Variants in TMC2 observed in about 807,000 individuals in gnomAD.
TMC2 encodes transmembrane channel-like protein 2.
Under a neutral mutation model 105.9 loss-of-function variants are expected in TMC2, and 102 were observed. The ratio of observed to expected loss-of-function variants is 0.96; its 90% confidence interval spans 0.82 to 1.14. The LOEUF (loss-of-function observed/expected upper bound fraction) is 1.14, where lower values mean the gene tolerates loss of function less well. Among genes scored for constraint, TMC2 ranks in the 50% most tolerant of loss-of-function variants. The pLI, the probability that TMC2 is intolerant of heterozygous loss-of-function variation, is 0.00. For synonymous variants in TMC2, 402 were observed against 422.8 expected (o/e 0.95, Z 0.60); for missense variants, 1,093 against 1,134.3 (o/e 0.96, Z 0.52).
intron 17 of TMC2, among the ~76,000 whole-genome samples, chr20:2,629,708 C>G (rs1050380275): frequency 2.0e-5 from 3 of 152,100 alleles, no homozygotes; most frequent in African/African-American, 7.2e-5. Context: ...AGCAGTCACC[C>G]CCTTAGTCAG....
Position 2,616,160 on chromosome 20 carries a change from TA to T in TMC2, c.1897del (p.Ser633ValfsTer7), listed in dbSNP as rs775718574. 1.6e-5 allele frequency: 26 copies of T among 1,613,548 alleles called. No individual in the cohort carries two copies. The highest frequency in any genetic ancestry group is 2.1e-5 in the Non-Finnish European group (25 of 1,179,540). On this transcript the variant is annotated frameshift_variant, in exon 15 of 20. Transcript: ENST00000358864. LOFTEE classifies it high-confidence loss of function. The surrounding 1 kb of genome is among the most constrained non-coding windows in gnomAD (Gnocchi z 4.8). ...GFPSYAEFDI[S>X]GNVLGLIFNQ... Reference sequence around the variant, plus strand: ...AGCCTTCATATGCTGAGTTTGATATTAGTGGAAATGTGCTGGGTTTGATCTT... The same window carrying T: ...AGCCTTCATATGCTGAGTTTGATATTGTGGAAATGTGCTGGGTTTGATCTT...
At chr20:2,610,213 T>A (rs2086424941) in intron 11 of TMC2, among the ~76,000 whole-genome samples, 1 of 152,196 alleles carries the variant, frequency 6.6e-6, no homozygotes, top group African/African-American at 2.4e-5. Context: ...ACACAGCAAT[T>A]ATGATATGCA....
chr20:2,559,037 AGGCGGGGCGCGGGTGGAGAGGT>A (rs1229785655), intron 3 of TMC2, among the ~76,000 whole-genome samples: 22 of 151,914 alleles, frequency 1.4e-4, no homozygotes, highest in East Asian at 1.4e-3. Context: ...GCACCCGGTG[AGGCGGGGCGCGGGTGGAGAGGT>A]GGCGGGGCGC....
chr20:2,565,513 G>T (rs5839962), intron 4 of TMC2, among the ~76,000 whole-genome samples: 26 of 87,510 alleles, frequency 3.0e-4, no homozygotes, highest in African/African-American at 6.8e-4. Flanking sequence ...AAAGTGCTGG[G>T]ATTACAGAGC....
chr20:2,591,071 C>A (rs1405386019), intron 7 of TMC2, among the ~76,000 whole-genome samples: 1 of 147,414 alleles, frequency 6.8e-6, no homozygotes, highest in Non-Finnish European at 1.5e-5. Flanking sequence ...ATATATAAAT[C>A]TAATCCATTT....
At chr20:2,622,550 C>T (rs2086532924) in intron 16 of TMC2, among the ~76,000 whole-genome samples, 1 of 152,064 alleles carries the variant, frequency 6.6e-6, no homozygotes, top group African/African-American at 2.4e-5. Flanking sequence ...TGCCTGTAAT[C>T]CACCAGGCAT....
intron 2 of TMC2, among the ~76,000 whole-genome samples, chr20:2,546,885 CA>C (rs1421216867): frequency 6.6e-6 from 1 of 152,006 alleles, no homozygotes; most frequent in East Asian, 1.9e-4. Flanking sequence ...GATGCTTCCA[CA>C]GCATGCAAAA....
intron 7 of TMC2, among the ~76,000 whole-genome samples, chr20:2,582,405 C>T (rs1331050233): frequency 1.3e-5 from 2 of 152,120 alleles, no homozygotes; most frequent in Non-Finnish European, 1.5e-5. Flanking sequence ...TAAAATGAAG[C>T]ATAGTGAACC....
At chr20:2,578,023 T>C (rs896183777) in intron 5 of TMC2, among the ~76,000 whole-genome samples, 3 of 152,104 alleles carry the variant, frequency 2.0e-5, no homozygotes, top group South Asian at 4.2e-4. Flanking sequence ...AGGAGACCTT[T>C]TAATAATAGG....
rs2086273870 is a variant in TMC2, at chr20:2,592,217, T to C, written c.835-93T>C. On this transcript the variant is annotated intron_variant, in intron 7 of 19. Transcript: ENST00000358864. The surrounding 1 kb of genome is among the most constrained non-coding windows in gnomAD (Gnocchi z 4.9). Reference sequence around the variant, plus strand: ...AAAGAAGAAAATAGGTGTATTCCGCTCTGAGAAGGAAAGCATTTACCCCAG... The same window carrying C: ...AAAGAAGAAAATAGGTGTATTCCGCCCTGAGAAGGAAAGCATTTACCCCAG... The C allele has an allele frequency of 1.3e-6, 1 of 766,752 alleles. No individual in the cohort carries two copies. Among genetic ancestry groups the C allele is most frequent in the Non-Finnish European group, 2.3e-6 (1 of 442,104 alleles). 47.5% of individuals were successfully genotyped at this position (766,752 alleles called of 1,614,324 possible). A position where few individuals can be genotyped will look rare whatever the true frequency, so the allele number is the denominator to read the frequency against.
intron 17 of TMC2, among the ~76,000 whole-genome samples, chr20:2,627,261 T>C (rs1222030031): frequency 6.6e-6 from 1 of 152,190 alleles, no homozygotes. Context: ...ACCCATTCTC[T>C]CTTTTCCCAA....
At chr20:2,630,974 C>T (rs2086598674) in intron 17 of TMC2, among the ~76,000 whole-genome samples, 1 of 152,156 alleles carries the variant, frequency 6.6e-6, no homozygotes, top group South Asian at 2.1e-4. Context: ...TTTATGTCTG[C>T]TGTTTTCTAT....
rs1009404002 is a variant in TMC2, at chr20:2,613,347, C to G, written c.1872+25C>G. The G allele has an allele frequency of 4.3e-6, 7 of 1,613,810 alleles. No homozygotes were observed. The African/African-American group carries it at 6.7e-5, about 15-fold the overall frequency. Reference sequence around the variant, plus strand: ...TGTAGGTCACCACTTCATGGACATTCCGCACAAAGGAATTTCAACTATCTT... The same window carrying G: ...TGTAGGTCACCACTTCATGGACATTGCGCACAAAGGAATTTCAACTATCTT... On this transcript the variant is annotated intron_variant, in intron 14 of 19. Coordinates refer to ENST00000358864, the MANE Select transcript of TMC2 (RefSeq NM_080751.3).
chr20:2,612,169 A>G, intron 12 of TMC2, 22 bp from the exon 13 acceptor site: 2 of 1,573,468 alleles, frequency 1.3e-6, no homozygotes, highest in Non-Finnish European at 1.7e-6. Context: ...TTCCTACCCC[A>G]CACCTCCATC....
intron 9 of TMC2, among the ~76,000 whole-genome samples, chr20:2,595,169 C>A (rs1020828006): frequency 7.2e-5 from 11 of 152,186 alleles, no homozygotes; most frequent in Non-Finnish European, 1.3e-4. Flanking sequence ...AGGATTGAAA[C>A]CCCTTTGGAT....
At chr20:2,580,288 G>A (rs2146199075) in intron 7 of TMC2, among the ~76,000 whole-genome samples, 1 of 152,134 alleles carries the variant, frequency 6.6e-6, no homozygotes, top group South Asian at 2.1e-4. Context: ...AAAAGTAATG[G>A]CAAAAACTAC....
At chr20:2,599,500 A>T (rs1186637748) in intron 10 of TMC2, among the ~76,000 whole-genome samples, 2 of 151,262 alleles carry the variant, frequency 1.3e-5, no homozygotes, top group Admixed American at 6.6e-5. Context: ...TGATTGTAAA[A>T]ACCATTCCAA....
chr20:2,591,194 A>T (rs1041420519), intron 7 of TMC2, among the ~76,000 whole-genome samples: 1 of 152,154 alleles, frequency 6.6e-6, no homozygotes, highest in Admixed American at 6.5e-5. Flanking sequence ...ACAATAGAGG[A>T]TTTGTTAAGT....
At chr20:2,574,667 GT>G (rs1288042259) in intron 5 of TMC2, among the ~76,000 whole-genome samples, 1 of 152,094 alleles carries the variant, frequency 6.6e-6, no homozygotes, top group African/African-American at 2.4e-5. Flanking sequence ...TTAACAGAAA[GT>G]CGCATATGGT....
Sources: allele counts gnomAD v4.1 joint callset (sites outside exome capture counted in the v4.1 genomes callset), GRCh38; gene constraint gnomAD v4.1.1; non-coding constraint Gnocchi (gnomAD v3.1); transcripts MANE v1.5; gene names NCBI Gene and HGNC (gene_info 2026-07-23, HGNC 2026-07-21).